Variants in ERC2 observed in about 807,000 individuals in gnomAD.
The protein encoded by ERC2 is ERC protein 2.
Under a neutral mutation model 114.8 loss-of-function variants are expected in ERC2, and 42 were observed. The observed-to-expected ratio is 0.37, with a 90% CI of 0.29 to 0.47. The LOEUF (loss-of-function observed/expected upper bound fraction) is 0.47, where lower values mean the gene tolerates loss of function less well. ERC2 is among the 20% of genes least tolerant of loss of function. The pLI, the probability that ERC2 is intolerant of heterozygous loss-of-function variation, is 0.99. For missense variants in ERC2, 939 were observed against 1,150.7 expected (o/e 0.82, Z 2.66); for synonymous variants, 454 against 425.5 (o/e 1.07, Z -0.82).
intron 4 of ERC2, among the ~76,000 whole-genome samples, chr3:56,155,057 C>T (rs1303307836): frequency 6.6e-6 from 1 of 152,160 alleles, no homozygotes; most frequent in African/African-American, 2.4e-5. Flanking sequence ...ACAGCTAAAA[C>T]ACAGTAGTGC....
intron 1 of ERC2, 149 bp downstream of exon 1, chr3:56,468,099 G>GGAGGC (rs1159765661): frequency 7.7e-6 from 1 of 130,656 alleles, no homozygotes; most frequent in Non-Finnish European, 1.7e-5. Flanking sequence ...AAGCCCCGTA[G>GGAGGC]GAGGCGGATG....
chr3:55,737,324 G>A (rs933370983), intron 14 of ERC2, among the ~76,000 whole-genome samples: 4 of 152,140 alleles, frequency 2.6e-5, no homozygotes, highest in African/African-American at 7.2e-5. Context: ...CTGGACTACC[G>A]GCAGCAGCAT....
chr3:55,885,037 A>C (rs1277292234), intron 14 of ERC2, among the ~76,000 whole-genome samples: 1 of 152,100 alleles, frequency 6.6e-6, no homozygotes, highest in Non-Finnish European at 1.5e-5. Context: ...TTATGAAATC[A>C]CAGTTTCTTT....
chr3:56,156,773 G>T (rs1012363969), intron 4 of ERC2, among the ~76,000 whole-genome samples: 9 of 152,190 alleles, frequency 5.9e-5, no homozygotes, highest in Admixed American at 1.3e-4. Flanking sequence ...TAAAGCAAAG[G>T]TTCCCTAATG....
intron 14 of ERC2, among the ~76,000 whole-genome samples, chr3:55,817,436 G>T (rs2059944499): frequency 6.6e-6 from 1 of 152,204 alleles, no homozygotes; most frequent in South Asian, 2.1e-4. Context: ...ACTCCTGAGA[G>T]TTCACCCAAG....
At chr3:56,051,648 C>G (rs2075771060) in intron 7 of ERC2, among the ~76,000 whole-genome samples, 1 of 152,022 alleles carries the variant, frequency 6.6e-6, no homozygotes, top group Non-Finnish European at 1.5e-5. Flanking sequence ...CACTGGGCAG[C>G]TACCCCATCT....
At chr3:56,398,793 T>C (rs2060412591) in intron 2 of ERC2, among the ~76,000 whole-genome samples, 1 of 152,096 alleles carries the variant, frequency 6.6e-6, no homozygotes, top group Non-Finnish European at 1.5e-5. Context: ...AATAATTTTG[T>C]AATTTATTTG....
chr3:56,370,902 C>G (rs1292597689), intron 2 of ERC2, among the ~76,000 whole-genome samples: 1 of 152,094 alleles, frequency 6.6e-6, no homozygotes, highest in African/African-American at 2.4e-5. Flanking sequence ...CCTTGCTTCC[C>G]TGGTTCTAAA....
At chr3:55,545,451 C>T (rs1348388869) in intron 17 of ERC2, among the ~76,000 whole-genome samples, 1 of 152,186 alleles carries the variant, frequency 6.6e-6, no homozygotes. Flanking sequence ...TGCTGTGCGT[C>T]GGATCACGTG....
intron 17 of ERC2, among the ~76,000 whole-genome samples, chr3:55,621,774 T>C (rs564174734): frequency 2.6e-4 from 40 of 152,056 alleles, no homozygotes; most frequent in African/African-American, 7.0e-4. Flanking sequence ...GCTAGGCCAA[T>C]TGGGGGAGAA....
chr3:55,651,256 G>A (rs964010200), intron 17 of ERC2, among the ~76,000 whole-genome samples: 1 of 152,048 alleles, frequency 6.6e-6, no homozygotes, highest in Admixed American at 6.5e-5. Context: ...CTCCGCCAGA[G>A]GCTAGCCCTC....
rs553103325 is a variant in ERC2 at position 56,314,641 on chromosome 3, T to TA, written c.658-18207dup. Among the ~76,000 whole-genome samples the TA allele has an allele frequency of 1.5e-3, 228 of 150,828 alleles. 1 individual carries two copies. The highest frequency in any genetic ancestry group is 1.8e-3 in the Non-Finnish European group (123 of 67,656). ...AAGCAATAGCACATAAAATAGCACA[T>TA]AAAAAAAAAGAATAACCCTAGATTT... On this transcript the variant is annotated intron_variant, in intron 2 of 17. Transcript: ENST00000288221.
At chr3:56,006,145 G>C (rs1436847972) in intron 10 of ERC2, among the ~76,000 whole-genome samples, 1 of 151,956 alleles carries the variant, frequency 6.6e-6, no homozygotes, top group East Asian at 1.9e-4. Flanking sequence ...GACTTTCTTA[G>C]TGTGAAATTT....
intron 14 of ERC2, among the ~76,000 whole-genome samples, chr3:55,798,429 T>C (rs1467013296): frequency 6.6e-6 from 1 of 151,920 alleles, no homozygotes; most frequent in Non-Finnish European, 1.5e-5. Context: ...AAACCCCGTC[T>C]CTACTAAAAA....
intron 3 of ERC2, among the ~76,000 whole-genome samples, chr3:56,245,993 A>T (rs527260060): frequency 6.6e-6 from 1 of 151,586 alleles, no homozygotes; most frequent in Non-Finnish European, 1.5e-5. Flanking sequence ...TTAGTCCACC[A>T]GCTTTTATGT....
At chr3:55,663,818 C>T (rs1281314373) in intron 17 of ERC2, among the ~76,000 whole-genome samples, 3 of 152,214 alleles carry the variant, frequency 2.0e-5, no homozygotes, top group African/African-American at 4.8e-5. Context: ...GAGTACCACA[C>T]TGTCCCCCAG....
At chr3:56,206,420 T>C (rs1313251922) in intron 3 of ERC2, among the ~76,000 whole-genome samples, 2 of 152,222 alleles carry the variant, frequency 1.3e-5, no homozygotes, top group African/African-American at 4.8e-5. Flanking sequence ...GCATAGAATC[T>C]GATACATACT....
rs569574823 is a variant in ERC2 at position 56,055,778 on chromosome 3, A to G, written c.1641+25039T>C. Reference sequence around the variant, plus strand: ...TCATTCCATCCCAACTTCTTGGCCAATCCCACTCTCAGTCTCCCCTCTCTC... The same window carrying G: ...TCATTCCATCCCAACTTCTTGGCCAGTCCCACTCTCAGTCTCCCCTCTCTC... On this transcript the variant is annotated intron_variant, in intron 7 of 17. Transcript: ENST00000288221. 3.9e-5 allele frequency among the ~76,000 whole-genome samples: 6 copies of G among 152,194 alleles called. No individual in the cohort carries two copies. The East Asian group carries it at 9.7e-4, about 25-fold the overall frequency.
At chr3:56,435,202 C>A in intron 1 of ERC2, 55 bp from the exon 2 acceptor site, 1 of 537,078 alleles carries the variant, frequency 1.9e-6, no homozygotes, top group African/African-American at 1.9e-5. Flanking sequence ...ACTCTAACTG[C>A]ATTGTATTTT....
Sources: allele counts gnomAD v4.1 joint callset (sites outside exome capture counted in the v4.1 genomes callset), GRCh38; gene constraint gnomAD v4.1.1; transcripts MANE v1.5; gene names NCBI Gene and HGNC (gene_info 2026-07-23, HGNC 2026-07-21).